Variants in CELF2 observed in about 807,000 individuals in gnomAD.
CELF2 encodes CUG triplet repeat RNA-binding protein 2.
A neutral mutation model predicts 62.6 loss-of-function variants in CELF2; 8 were observed. The observed-to-expected ratio is 0.13, with a 90% CI of 0.07 to 0.23. The LOEUF (loss-of-function observed/expected upper bound fraction) is 0.23. Ranked by LOEUF, CELF2 falls within the 10% of genes least tolerant of loss-of-function variation. CELF2 has a pLI of 1.00. For missense variants in CELF2, 333 were observed against 671.0 expected, an observed-to-expected ratio of 0.50 and a Z score of 5.56; for synonymous variants, 258 against 250.0, an observed-to-expected ratio of 1.03 and a Z score of -0.30.
chr10:10,589,189 T>TTTTCC, the CELF2 span, among the ~76,000 whole-genome samples: 2 of 152,080 alleles, frequency 1.3e-5, no homozygotes, highest in African/African-American at 4.8e-5. Context: ...GATTCAAAGA[T>TTTTCC]TTTCCGCTGG....
chr10:10,683,772 C>G, the CELF2 span, among the ~76,000 whole-genome samples: 1 of 152,110 alleles, frequency 6.6e-6, no homozygotes, highest in Non-Finnish European at 1.5e-5. Context: ...TTTCATTGCT[C>G]AAGTGTGTTC....
intron 1 of CELF2, among the ~76,000 whole-genome samples, chr10:10,862,575 T>C (rs558992632): frequency 3.3e-4 from 51 of 152,320 alleles, no homozygotes; most frequent in Non-Finnish European, 5.4e-4. Context: ...GCCTCAGAAG[T>C]TATTCAACAT....
intron 2 of CELF2, among the ~76,000 whole-genome samples, chr10:10,992,936 C>A (rs2053586637): frequency 1.3e-5 from 2 of 152,124 alleles, no homozygotes; most frequent in Admixed American, 6.6e-5. Flanking sequence ...CAGGCTAAAG[C>A]CCACAACCAC....
At chr10:11,230,590 T>G (rs984912159) in intron 3 of CELF2, among the ~76,000 whole-genome samples, 1 of 152,222 alleles carries the variant, frequency 6.6e-6, no homozygotes, top group African/African-American at 2.4e-5. Flanking sequence ...AGCCTGACTA[T>G]GGAGGACAGG....
At chr10:10,890,738 G>A (rs1259421121) in intron 1 of CELF2, among the ~76,000 whole-genome samples, 1 of 152,242 alleles carries the variant, frequency 6.6e-6, no homozygotes, top group Non-Finnish European at 1.5e-5. Flanking sequence ...GCATAGGCTG[G>A]GCGCTGTGGC....
At position 11,285,753 on chromosome 10, in the gene CELF2, G is replaced by A. The variant is rs999081782; in HGVS notation, c.842-2665G>A. ...GACAATACTCTTCAGAGCAATTTATGTAAATGTCAAACTTGTCTGTTACCC... is the reference window on the plus strand; with the variant it reads ...GACAATACTCTTCAGAGCAATTTATATAAATGTCAAACTTGTCTGTTACCC... On this transcript the variant is annotated intron_variant, in intron 8 of 12. Transcript: ENST00000633077. This position sits in a 1 kb window ranked among gnomAD's most constrained non-coding sequence, Gnocchi z 4.3. Among the ~76,000 whole-genome samples the A allele has an allele frequency of 2.9e-4, 44 of 151,958 alleles. No homozygotes were observed. The highest frequency in any genetic ancestry group is 2.0e-3 in the Admixed American group (31 of 15,262).
At chr10:10,576,957 G>A in the CELF2 span, among the ~76,000 whole-genome samples, 7 of 152,262 alleles carry the variant, frequency 4.6e-5, no homozygotes, top group South Asian at 1.0e-3. Flanking sequence ...CCCCCAGAGG[G>A]GTTTACATAT....
At chr10:10,707,876 G>A in the CELF2 span, among the ~76,000 whole-genome samples, 8 of 152,092 alleles carry the variant, frequency 5.3e-5, no homozygotes, top group Non-Finnish European at 1.0e-4. Flanking sequence ...TATGTAGAGA[G>A]GACTTCAGGG....
the CELF2 span, among the ~76,000 whole-genome samples, chr10:10,510,499 T>A: frequency 1.3e-5 from 2 of 152,172 alleles, no homozygotes; most frequent in Non-Finnish European, 2.9e-5. Flanking sequence ...AAGTTTAATA[T>A]CACCCCAAGT....
In CELF2 at chr10:11,122,533, G is replaced by C. The variant is rs570713992; in HGVS notation, c.75-42953G>C. ...AGTGACTGTAGAAAGCCACCTATTT[G>C]TGTTGATTCAAAATGTCTTGAGGAA... On this transcript the variant is annotated intron_variant, in intron 1 of 12. Transcript: ENST00000633077. Among the ~76,000 whole-genome samples, 9 of 152,286 alleles carry C rather than the reference G, an allele frequency of 5.9e-5. No homozygotes were observed. In the South Asian group the frequency reaches 1.7e-3, roughly 28 times the overall value.
chr10:11,259,352 G>A (rs988863535), intron 5 of CELF2, among the ~76,000 whole-genome samples: 1 of 151,624 alleles, frequency 6.6e-6, no homozygotes, highest in Admixed American at 6.6e-5. Context: ...CCAGCATGAA[G>A]GTAGTCTACA....
At chr10:10,618,526 C>T in the CELF2 span, among the ~76,000 whole-genome samples, 3 of 152,202 alleles carry the variant, frequency 2.0e-5, no homozygotes, top group South Asian at 6.2e-4. Flanking sequence ...GATCATACTG[C>T]AACTCAAAGC....
chr10:10,877,803 CCTTT>C (rs2061203848), intron 1 of CELF2, among the ~76,000 whole-genome samples: 1 of 152,186 alleles, frequency 6.6e-6, no homozygotes, highest in Non-Finnish European at 1.5e-5. Context: ...TTCTTTGCTT[CCTTT>C]CTTCCTTCCT....
At chr10:11,153,009 C>CA (rs2063626313) in intron 1 of CELF2, among the ~76,000 whole-genome samples, 1 of 152,214 alleles carries the variant, frequency 6.6e-6, no homozygotes, top group South Asian at 2.1e-4. Context: ...CTTCCAGAAG[C>CA]AAAAACAGAT....
At chr10:10,918,555 G>A (rs934879776) in intron 1 of CELF2, among the ~76,000 whole-genome samples, 19 of 152,200 alleles carry the variant, frequency 1.2e-4, no homozygotes, top group Non-Finnish European at 7.3e-5. Flanking sequence ...TTATCACAGG[G>A]AGTAAATAGG....
chr10:11,057,057 G>A (rs1400542951), intron 1 of CELF2, among the ~76,000 whole-genome samples: 1 of 152,168 alleles, frequency 6.6e-6, no homozygotes, highest in Non-Finnish European at 1.5e-5. Context: ...CTGTGCTGGG[G>A]CAATTAGTGA....
At chr10:11,086,870 T>C (rs2046962566) in intron 1 of CELF2, among the ~76,000 whole-genome samples, 1 of 152,184 alleles carries the variant, frequency 6.6e-6, no homozygotes, top group South Asian at 2.1e-4. Context: ...TCTTGCTTTC[T>C]TAAAGGGACA....
chr10:11,261,418 C>T (rs201934704), intron 5 of CELF2, among the ~76,000 whole-genome samples: 8 of 146,136 alleles, frequency 5.5e-5, no homozygotes, highest in African/African-American at 2.0e-4. Context: ...GAATCACTGC[C>T]TTTTTTTTTT....
At chr10:11,105,433 A>G (rs2142884378) in intron 1 of CELF2, 1 of 152,366 alleles carries the variant, frequency 6.6e-6, no homozygotes, top group African/African-American at 2.4e-5. Flanking sequence ...CAGATCCTGA[A>G]GCAGAATAAG....
Sources: gnomAD v4.1 joint callset for allele counts (sites outside exome capture counted in the v4.1 genomes callset) on GRCh38, gnomAD v4.1.1 for gene constraint, Gnocchi (gnomAD v3.1) non-coding constraint, MANE v1.5 for transcripts, NCBI Gene and HGNC (gene_info 2026-07-23, HGNC 2026-07-21) for gene names.